Variants in KCNIP4 observed in about 807,000 individuals in gnomAD.
The protein encoded by KCNIP4 is potassium voltage-gated channel interacting protein 4.
In KCNIP4, 12 loss-of-function variants were observed where a neutral mutation model predicts 34.0. The ratio of observed to expected loss-of-function variants is 0.35; its 90% CI spans 0.23 to 0.57. KCNIP4 has a LOEUF of 0.57. Among genes scored for constraint, KCNIP4 ranks in the 20% least tolerant of loss-of-function variants. The pLI is 0.83. For missense variants in KCNIP4, 238 were observed against 311.7 expected (o/e 0.76, Z 1.78); for synonymous variants, 124 against 102.2 (o/e 1.21, Z -1.29).
intron 1 of KCNIP4, among the ~76,000 whole-genome samples, chr4:21,465,733 A>T (rs1729867482): frequency 6.6e-6 from 1 of 151,918 alleles, no homozygotes; most frequent in African/African-American, 2.4e-5. Flanking sequence ...TTAAATATTT[A>T]AGATAAGGTA....
intron 1 of KCNIP4, among the ~76,000 whole-genome samples, chr4:21,095,257 T>C (rs1235874696): frequency 6.6e-6 from 1 of 152,186 alleles, no homozygotes; most frequent in Non-Finnish European, 1.5e-5. Context: ...CAAGCTGGTT[T>C]GGGATTATCA....
chr4:20,745,099 G>T (rs1273771052), intron 5 of KCNIP4, among the ~76,000 whole-genome samples: 1 of 152,190 alleles, frequency 6.6e-6, no homozygotes, highest in Non-Finnish European at 1.5e-5. Flanking sequence ...CAGGAGCAAT[G>T]AATCATGGAG....
intron 1 of KCNIP4, chr4:21,608,718 TAGTC>T (rs1462466607): frequency 6.6e-6 from 1 of 152,144 alleles, no homozygotes; most frequent in East Asian, 1.9e-4. Context: ...TGTAGAACAT[TAGTC>T]AGTCAAGCAC....
chr4:21,591,383 C>G (rs1433153326), intron 1 of KCNIP4, among the ~76,000 whole-genome samples: 1 of 151,896 alleles, frequency 6.6e-6, no homozygotes, highest in African/African-American at 2.4e-5. Flanking sequence ...AAAACAAAAG[C>G]CACTGGCTAT....
At chr4:21,149,258 T>A (rs1376341392) in intron 1 of KCNIP4, among the ~76,000 whole-genome samples, 2 of 152,194 alleles carry the variant, frequency 1.3e-5, no homozygotes, top group Non-Finnish European at 2.9e-5. Flanking sequence ...CATTTAACTG[T>A]TTGTTAAAAT....
intron 1 of KCNIP4, among the ~76,000 whole-genome samples, chr4:21,404,842 C>A (rs1055054923): frequency 1.3e-5 from 2 of 152,158 alleles, no homozygotes; most frequent in Non-Finnish European, 2.9e-5. Context: ...TAACTGGTAA[C>A]TACACTATGA....
intron 1 of KCNIP4, among the ~76,000 whole-genome samples, chr4:21,527,120 T>C (rs1162401036): frequency 6.6e-6 from 1 of 152,198 alleles, no homozygotes; most frequent in Non-Finnish European, 1.5e-5. Context: ...GGCATTCAGA[T>C]AATGCCTAGG....
At chr4:21,504,693 A>G (rs1346193657) in intron 1 of KCNIP4, among the ~76,000 whole-genome samples, 1 of 152,136 alleles carries the variant, frequency 6.6e-6, no homozygotes, top group Non-Finnish European at 1.5e-5. Context: ...TTCTCAAGTT[A>G]GAATACAATG....
intron 1 of KCNIP4, among the ~76,000 whole-genome samples, chr4:21,249,901 T>C (rs1760566229): frequency 2.0e-5 from 3 of 152,240 alleles, no homozygotes; most frequent in South Asian, 2.1e-4. Context: ...AGCCATTTGC[T>C]TAAGTATTCC....
chr4:21,071,685 C>T (rs1445320992), intron 1 of KCNIP4, among the ~76,000 whole-genome samples: 1 of 151,960 alleles, frequency 6.6e-6, no homozygotes, highest in African/African-American at 2.4e-5. Flanking sequence ...GGTACATGTG[C>T]ACAATGTGCA....
At chr4:21,900,970 T>A (rs1439475312) in intron 1 of KCNIP4, among the ~76,000 whole-genome samples, 2 of 152,204 alleles carry the variant, frequency 1.3e-5, no homozygotes, top group African/African-American at 4.8e-5. Context: ...AAATACTGTT[T>A]CAATGAATAT....
chr4:20,840,570 G>A (rs1042551986), intron 3 of KCNIP4, among the ~76,000 whole-genome samples: 4 of 152,102 alleles, frequency 2.6e-5, no homozygotes, highest in African/African-American at 9.7e-5. Context: ...GCTCTCAACT[G>A]AGGACCAGAT....
intron 1 of KCNIP4, among the ~76,000 whole-genome samples, chr4:21,864,659 C>T (rs927915679): frequency 8.5e-5 from 13 of 152,156 alleles, no homozygotes; most frequent in Non-Finnish European, 1.5e-5. Flanking sequence ...TTCCCTCTCT[C>T]ATACATCTAC....
chr4:21,469,034 A>G (rs982219955), intron 1 of KCNIP4, among the ~76,000 whole-genome samples: 6 of 151,948 alleles, frequency 3.9e-5, no homozygotes, highest in African/African-American at 1.4e-4. Context: ...ATTCTATTAT[A>G]TTATTATATA....
intron 1 of KCNIP4, among the ~76,000 whole-genome samples, chr4:21,105,940 T>G (rs555391524): frequency 6.6e-6 from 1 of 151,488 alleles, no homozygotes; most frequent in Admixed American, 6.6e-5. Context: ...ATCCCAGGGA[T>G]GAAGCCCACT....
intron 1 of KCNIP4, among the ~76,000 whole-genome samples, chr4:21,806,832 C>T (rs1721325920): frequency 6.6e-6 from 1 of 152,150 alleles, no homozygotes; most frequent in Non-Finnish European, 1.5e-5. Context: ...CACCAGGGAT[C>T]GGTTTAGTGG....
At chr4:21,755,279 C>A (rs1717428500) in intron 1 of KCNIP4, among the ~76,000 whole-genome samples, 1 of 152,152 alleles carries the variant, frequency 6.6e-6, no homozygotes, top group Non-Finnish European at 1.5e-5. Context: ...GGCCTACCCA[C>A]CAAGGTGGTT....
chr4:21,002,575 G>C (rs1244165647), intron 1 of KCNIP4, among the ~76,000 whole-genome samples: 1 of 152,180 alleles, frequency 6.6e-6, no homozygotes, highest in Non-Finnish European at 1.5e-5. Flanking sequence ...GAACGGGGTT[G>C]TCTGCAGCAA....
intron 1 of KCNIP4, among the ~76,000 whole-genome samples, chr4:21,581,937 A>G (rs1196917887): frequency 6.7e-6 from 1 of 148,206 alleles, no homozygotes; most frequent in African/African-American, 2.5e-5. Flanking sequence ...CCAAACTTAA[A>G]AGAAGAAAGA....
Sources: gnomAD v4.1 joint callset for allele counts (sites outside exome capture counted in the v4.1 genomes callset) on GRCh38, gnomAD v4.1.1 for gene constraint, MANE v1.5 for transcripts, NCBI Gene and HGNC (gene_info 2026-07-23, HGNC 2026-07-21) for gene names.